The following DMD variants were observed in gnomAD, a reference collection of about 807,000 sequenced individuals.
DMD encodes the protein mutant dystrophin.
Under a neutral mutation model 330.1 loss-of-function variants are expected in DMD, and 63 were observed. The ratio of observed to expected loss-of-function variants is 0.19; its 90% confidence interval spans 0.16 to 0.24. DMD has a LOEUF of 0.24. DMD is among the 10% of genes least tolerant of loss of function. The pLI is 1.00. For synonymous variants in DMD, 1,223 were observed against 959.8 expected (o/e 1.27, Z -5.07); for missense variants, 3,344 against 2,684.1 (o/e 1.25, Z -5.43).
intron 7 of DMD, among the ~76,000 whole-genome samples, chrX:32,804,585 GA>G (rs1177126844): frequency 1.8e-5 from 2 of 112,690 alleles, no homozygotes; most frequent in Non-Finnish European, 3.8e-5. Flanking sequence ...CGGCTCTGAA[GA>G]GAGCAGCAGA....
chrX:32,743,400 TA>T (rs1392268778), intron 7 of DMD, among the ~76,000 whole-genome samples: 1 of 111,251 alleles, frequency 9.0e-6, no homozygotes, highest in Non-Finnish European at 1.9e-5. Flanking sequence ...TCATCCCAAA[TA>T]AACTAGAAGG....
At chrX:31,606,944 T>A (rs991196111) in intron 55 of DMD, among the ~76,000 whole-genome samples, 3 of 112,135 alleles carry the variant, frequency 2.7e-5, no homozygotes, top group Non-Finnish European at 5.6e-5. Flanking sequence ...CATTTCTCAA[T>A]CAGCTGTGCA....
At chrX:32,176,852 A>T (rs2096908453) in intron 44 of DMD, among the ~76,000 whole-genome samples, 1 of 111,382 alleles carries the variant, frequency 9.0e-6, no homozygotes, top group Admixed American at 9.6e-5. Context: ...GTATCTCAAA[A>T]TTAACACATC....
At chrX:33,267,781 G>A (rs1032869518) in intron 1 of DMD, among the ~76,000 whole-genome samples, 4 of 110,914 alleles carry the variant, frequency 3.6e-5, no homozygotes, top group Non-Finnish European at 7.6e-5. Context: ...CGACAAGGCT[G>A]GCAAAAACAA....
chrX:32,474,144 C>A (rs1179899405), intron 21 of DMD, among the ~76,000 whole-genome samples: 1 of 110,715 alleles, frequency 9.0e-6, no homozygotes, highest in Non-Finnish European at 1.9e-5. Context: ...CAGGTCACTG[C>A]AAATGCTGTT....
At chrX:32,302,285 T>C (rs769185875) in intron 42 of DMD, among the ~76,000 whole-genome samples, 48 of 111,415 alleles carry the variant, frequency 4.3e-4, no homozygotes, top group East Asian at 2.8e-4. Context: ...GTTCAGAGCA[T>C]GTTTAAGGTA....
intron 60 of DMD, among the ~76,000 whole-genome samples, chrX:31,419,928 T>C (rs1281362403): frequency 8.9e-6 from 1 of 111,946 alleles, no homozygotes; most frequent in African/African-American, 3.3e-5. Flanking sequence ...TAGTTCTACC[T>C]TTTCTCATTA....
Position 32,682,958 on chromosome X carries a change from T to C in DMD, c.960+14912A>G, listed in dbSNP as rs143073104. ...AGGCTGGGTTTCCAAATGACCACAA[T>C]GAATAGCGTTCCCTTGCTGATTCAC... On this transcript the variant is annotated intron_variant, in intron 9 of 78. Transcript: ENST00000357033. Among the ~76,000 whole-genome samples the C allele has an allele frequency of 6.0e-3, 670 of 111,701 alleles. 7 individuals are homozygous for C. The highest frequency in any genetic ancestry group is 0.021 in the African/African-American group (649 of 30,774).
intron 44 of DMD, among the ~76,000 whole-genome samples, chrX:32,077,485 A>G (rs1379536032): frequency 1.8e-5 from 2 of 111,669 alleles, no homozygotes; most frequent in Non-Finnish European, 3.8e-5. Context: ...GTTCTAAAAC[A>G]TTTTTCAGAT....
intron 43 of DMD, among the ~76,000 whole-genome samples, chrX:32,226,839 GAC>G (rs1205448662): frequency 9.1e-6 from 1 of 110,095 alleles, no homozygotes; most frequent in African/African-American, 3.3e-5. Context: ...TTTTAATACC[GAC>G]ACAGAATTTA....
intron 16 of DMD, among the ~76,000 whole-genome samples, chrX:32,564,188 T>A (rs1272061735): frequency 8.9e-6 from 1 of 112,100 alleles, no homozygotes; most frequent in Non-Finnish European, 1.9e-5. Flanking sequence ...AGGTGGCTAC[T>A]ATGCAGACTC....
intron 45 of DMD, among the ~76,000 whole-genome samples, chrX:31,951,484 A>C (rs2095179002): frequency 9.2e-6 from 1 of 108,203 alleles, no homozygotes; most frequent in Middle Eastern, 4.7e-3. Flanking sequence ...CCTTTACTGC[A>C]CTGTCTTGTT....
chrX:32,869,726 G>A (rs991008265), intron 2 of DMD, among the ~76,000 whole-genome samples: 1 of 109,836 alleles, frequency 9.1e-6, no homozygotes, highest in Admixed American at 9.9e-5. Flanking sequence ...ATGAATAGAC[G>A]CAGAAAAGTC....
chrX:31,768,530 T>C (rs949192139), intron 51 of DMD, among the ~76,000 whole-genome samples: 5 of 109,834 alleles, frequency 4.6e-5, no homozygotes, highest in Admixed American at 2.0e-4. Flanking sequence ...CTCCCTTCTT[T>C]GTTCTCTCCT....
chrX:32,126,154 C>T (rs985358374), intron 44 of DMD, among the ~76,000 whole-genome samples: 4 of 112,265 alleles, frequency 3.6e-5, no homozygotes, highest in East Asian at 2.8e-4. Context: ...CTGACCCTCT[C>T]GAACTCAACA....
chrX:32,976,682 C>T (rs1052779077), intron 2 of DMD, among the ~76,000 whole-genome samples: 1 of 111,539 alleles, frequency 9.0e-6, no homozygotes, highest in Non-Finnish European at 1.9e-5. Flanking sequence ...GTCAGCATTT[C>T]GAGCTGTCTA....
chrX:31,622,731 A>G (rs928824890), intron 55 of DMD, among the ~76,000 whole-genome samples: 1 of 108,009 alleles, frequency 9.3e-6, no homozygotes, highest in African/African-American at 3.4e-5. Context: ...CCACCCCCCA[A>G]AAAAGAAAGA....
chrX:33,021,448 A>T (rs895403521), intron 1 of DMD, among the ~76,000 whole-genome samples: 2 of 111,643 alleles, frequency 1.8e-5, no homozygotes, highest in African/African-American at 6.5e-5. Context: ...TTTAAAATTG[A>T]TAAATTTTAT....
At chrX:32,430,646 A>G (rs967839691) in intron 29 of DMD, among the ~76,000 whole-genome samples, 1 of 111,716 alleles carries the variant, frequency 9.0e-6, no homozygotes, top group Non-Finnish European at 1.9e-5. Flanking sequence ...TTTACAGTAG[A>G]TCTCTAGGAA....
Sources: gnomAD v4.1 joint callset for allele counts (sites outside exome capture counted in the v4.1 genomes callset) on GRCh38, gnomAD v4.1.1 for gene constraint, MANE v1.5 for transcripts, NCBI Gene and HGNC (gene_info 2026-07-23, HGNC 2026-07-21) for gene names.